Variants in CHD5 observed in about 807,000 individuals in gnomAD.
The protein encoded by CHD5 is ATP-dependent chromatin remodeler CHD5.
Under a neutral mutation model 230.3 loss-of-function variants are expected in CHD5, and 69 were observed. The ratio of observed to expected loss-of-function variants is 0.30; its 90% CI spans 0.25 to 0.37. CHD5 has a LOEUF of 0.37. CHD5 is among the 10% of genes least tolerant of loss of function. The pLI, the probability that CHD5 is intolerant of heterozygous loss-of-function variation, is 1.00. For missense variants in CHD5, 1,827 were observed against 2,622.8 expected, an observed-to-expected ratio of 0.70 and a Z score of 6.63; for synonymous variants, 1,064 against 1,065.9, an observed-to-expected ratio of 1.00 and a Z score of 0.03.
Position 6,167,313 on chromosome 1 carries a change from T to C in CHD5, c.207+837A>G, listed in dbSNP as rs1422640600. Among the ~76,000 whole-genome samples, 6 of 152,178 alleles carry C rather than the reference T, an allele frequency of 3.9e-5. No individual in the cohort carries two copies. Among genetic ancestry groups the C allele is most frequent in the Non-Finnish European group, 5.9e-5 (4 of 68,030 alleles). On this transcript the variant is annotated intron_variant, in intron 2 of 41. Transcript: ENST00000262450. This position sits in a 1 kb window ranked among gnomAD's most constrained non-coding sequence, Gnocchi z 4.5. Reference sequence around the variant, plus strand: ...CTGTGTGACCTTGGGCCAGGGCACCTCTGAGCCCCCGCTCTCATCTGTGAA... The same window carrying C: ...CTGTGTGACCTTGGGCCAGGGCACCCCTGAGCCCCCGCTCTCATCTGTGAA...
chr1:6,142,117 C>T lies in CHD5; in HGVS notation c.2436+11G>A, dbSNP rs1666837559. ...CTTCCTACCGTCCTTCCAAGGATAGCGAGCCCTCACCTTCATACGGAATAC... is the reference window on the plus strand; with the variant it reads ...CTTCCTACCGTCCTTCCAAGGATAGTGAGCCCTCACCTTCATACGGAATAC... On this transcript the variant is annotated intron_variant, in intron 15 of 41. Coordinates refer to ENST00000262450, the MANE Select transcript of CHD5 (RefSeq NM_015557.3). This position sits in a 1 kb window ranked among gnomAD's most constrained non-coding sequence, Gnocchi z 5.2. 5 of 1,607,984 alleles carry T rather than the reference C, an allele frequency of 3.1e-6. No individual in the cohort carries two copies. The South Asian group carries it at 4.4e-5, about 14-fold the overall frequency.
At chr1:6,174,751 G>T (rs1225616185) in intron 1 of CHD5, among the ~76,000 whole-genome samples, 1 of 151,734 alleles carries the variant, frequency 6.6e-6, no homozygotes, top group African/African-American at 2.4e-5. Flanking sequence ...ATGGTGAATT[G>T]ATGGATGGAT....
intron 3 of CHD5, 128 bp downstream of exon 3, chr1:6,159,208 G>T (rs1360548283): frequency 1.4e-6 from 2 of 1,457,912 alleles, no homozygotes; most frequent in Non-Finnish European, 1.8e-6. Flanking sequence ...CTCCAGCCTG[G>T]CAACAGAGTG....
At chr1:6,111,280 T>C (rs1666283572) in intron 36 of CHD5, among the ~76,000 whole-genome samples, 1 of 148,862 alleles carries the variant, frequency 6.7e-6, no homozygotes, top group Non-Finnish European at 1.5e-5. Context: ...ACGCCTGTAA[T>C]CTCAGCACTT....
intron 15 of CHD5, among the ~76,000 whole-genome samples, chr1:6,141,762 G>A (rs889143552): frequency 7.2e-5 from 11 of 152,172 alleles, no homozygotes; most frequent in African/African-American, 1.7e-4. Context: ...AGAAACTGAC[G>A]CGACAGCTGT....
At chr1:6,150,189 G>C (rs915676979) in intron 7 of CHD5, among the ~76,000 whole-genome samples, 7 of 131,956 alleles carry the variant, frequency 5.3e-5, no homozygotes, top group African/African-American at 2.4e-4. Context: ...TGGATGGACA[G>C]AGTGGTAGAT....
intron 5 of CHD5, among the ~76,000 whole-genome samples, chr1:6,153,266 T>C (rs1290768483): frequency 6.6e-6 from 1 of 152,124 alleles, no homozygotes; most frequent in Non-Finnish European, 1.5e-5. Flanking sequence ...AAGCAGCTCA[T>C]GGAATCGATA....
chr1:6,143,245 G>A (rs970050975), intron 13 of CHD5, among the ~76,000 whole-genome samples: 6 of 151,922 alleles, frequency 3.9e-5, no homozygotes, highest in Non-Finnish European at 5.9e-5. Flanking sequence ...ATCTCACTAC[G>A]TTGCCTCAAA....
chr1:6,149,416 G>C lies in CHD5; in HGVS notation c.995-4C>G. On this transcript the variant is annotated splice_polypyrimidine_tract_variant and splice_region_variant and intron_variant, in intron 7 of 41. Coordinates refer to ENST00000262450, the MANE Select transcript of CHD5 (RefSeq NM_015557.3). ...TCATAGCCGTCACCATCATCAACTA[G>C]GGTAGGGGAGAGGCAGTCATGGAAG... The C allele has an allele frequency of 6.2e-7, 1 of 1,601,740 alleles. No homozygotes were observed. Among genetic ancestry groups the C allele is most frequent in the South Asian group, 1.1e-5 (1 of 89,724 alleles).
At chr1:6,137,149 C>A (rs1047572834) in intron 15 of CHD5, among the ~76,000 whole-genome samples, 1 of 152,138 alleles carries the variant, frequency 6.6e-6, no homozygotes, top group African/African-American at 2.4e-5. Flanking sequence ...TCCCACCCCC[C>A]AGCGTGGAGT....
Position 6,128,381 on chromosome 1 carries a change from C to T in CHD5, c.3730+118G>A, listed in dbSNP as rs1468863055. 2.2e-5 allele frequency: 24 copies of T among 1,101,962 alleles called. No individual in the cohort carries two copies. In the Admixed American group the frequency reaches 2.2e-4, roughly 10 times the overall value. The allele number at this position is 1,101,962 out of a possible 1,614,324, so 68.3% of individuals were successfully genotyped here. A position where few individuals can be genotyped will look rare whatever the true frequency, so the allele number is the denominator to read the frequency against. The stretch of plus-strand genomic sequence containing the variant: ...GAAACTGCGCTGTAACAGCCCCACT[C>T]GCCGCCCACCTGGCAGTCCCAGGAC... On this transcript the variant is annotated intron_variant, in intron 24 of 41. Coordinates refer to ENST00000262450, the MANE Select transcript of CHD5 (RefSeq NM_015557.3). The surrounding 1 kb of genome is among the most constrained non-coding windows in gnomAD (Gnocchi z 7.8).
intron 7 of CHD5, among the ~76,000 whole-genome samples, chr1:6,150,232 G>A (rs1338454035): frequency 1.5e-4 from 23 of 149,808 alleles, no homozygotes; most frequent in African/African-American, 2.5e-5. Flanking sequence ...ATAATGGATG[G>A]ACAAATGAAT....
chr1:6,136,576 A>C lies in CHD5; in HGVS notation c.2637T>G (p.Leu879=). 1 of 1,614,142 alleles carries C rather than the reference A, an allele frequency of 6.2e-7. No individual in the cohort carries two copies. Reference sequence around the variant, plus strand: ...GGAACAGCTCCTCCAGGTTGTTCTGAAGGGGGGTCCCTGTCAGCAGCAGCT... The same window carrying C: ...GGAACAGCTCCTCCAGGTTGTTCTGCAGGGGGGTCCCTGTCAGCAGCAGCT... ...DYKLLLTGTP[L]QNNLEELFHL... is the part of the protein sequence containing the mutation. The change falls in exon 17 of 42, where the codon CTT becomes CTG. Residue 879 remains leucine, a synonymous_variant. Transcript: ENST00000262450.
chr1:6,119,751 G>A (rs1056986842), intron 33 of CHD5, among the ~76,000 whole-genome samples: 22 of 150,972 alleles, frequency 1.5e-4, no homozygotes, highest in South Asian at 1.3e-3. Flanking sequence ...ACATATGTAC[G>A]TACATACGTG....
chr1:6,175,283 G>GATGGATGGTGGATGGATGAATGA (rs1557566325), intron 1 of CHD5, among the ~76,000 whole-genome samples: 1 of 139,892 alleles, frequency 7.1e-6, no homozygotes, highest in African/African-American at 3.1e-5. Context: ...TGGATGCATG[G>GATGGATGGTGGATGGATGAATGA]ATGGATGGTG....
Position 6,142,788 on chromosome 1 carries a change from C to A in CHD5, c.2044-183G>T, listed in dbSNP as rs1666848714. 1.3e-5 allele frequency among the ~76,000 whole-genome samples: 2 copies of A among 152,226 alleles called. No homozygotes were observed. The highest frequency in any genetic ancestry group is 2.9e-5 in the Non-Finnish European group (2 of 68,044). ...CCTCTAGGAAGCCCTCCCTGACTCC[C>A]AGCCTGGCTGAAGTGCTCCCACAGT... On this transcript the variant is annotated intron_variant, in intron 13 of 41. Transcript: ENST00000262450. The surrounding 1 kb of genome is among the most constrained non-coding windows in gnomAD (Gnocchi z 5.2).
At chr1:6,174,295 G>T (rs1347306437) in intron 1 of CHD5, among the ~76,000 whole-genome samples, 1 of 152,156 alleles carries the variant, frequency 6.6e-6, no homozygotes, top group African/African-American at 2.4e-5. Context: ...ATAAGCAAAA[G>T]CCCAGAAAGT....
At chr1:6,169,981 G>A (rs997466965) in intron 1 of CHD5, among the ~76,000 whole-genome samples, 2 of 152,124 alleles carry the variant, frequency 1.3e-5, no homozygotes, top group South Asian at 2.1e-4. Context: ...GGGACCCCGC[G>A]GAGGACGAGA....
Position 6,146,911 on chromosome 1 carries a change from C to T in CHD5, c.1384-40G>A. 1 of 1,425,110 alleles carries T rather than the reference C, an allele frequency of 7.0e-7. No homozygotes were observed. The highest frequency in any genetic ancestry group is 9.3e-7 in the Non-Finnish European group (1 of 1,074,986). 88.3% of individuals were successfully genotyped at this position (1,425,110 alleles called of 1,614,324 possible). On this transcript the variant is annotated intron_variant, in intron 9 of 41. Coordinates refer to ENST00000262450, the MANE Select transcript of CHD5 (RefSeq NM_015557.3). This position sits in a 1 kb window ranked among gnomAD's most constrained non-coding sequence, Gnocchi z 5.1. ...GGGTCCCCAAGGTGGGGCTCAGCTG[C>T]AGGGCCCCACCCTGAGGCTCCCATG...
Sources: gnomAD v4.1 joint callset for allele counts (sites outside exome capture counted in the v4.1 genomes callset) on GRCh38, gnomAD v4.1.1 for gene constraint, Gnocchi (gnomAD v3.1) non-coding constraint, MANE v1.5 for transcripts, NCBI Gene and HGNC (gene_info 2026-07-23, HGNC 2026-07-21) for gene names.